The following SLCO3A1 variants were observed in gnomAD, a reference collection of about 807,000 sequenced individuals.
SLCO3A1 encodes solute carrier organic anion transporter family member 3A1.
A neutral mutation model predicts 63.1 loss-of-function variants in SLCO3A1; 27 were observed. The ratio of observed to expected loss-of-function variants is 0.43; its 90% CI spans 0.32 to 0.59. The LOEUF (loss-of-function observed/expected upper bound fraction) is 0.59. Among genes scored for constraint, SLCO3A1 ranks in the 20% least tolerant of loss-of-function variants. The pLI, the probability that SLCO3A1 is intolerant of heterozygous loss-of-function variation, is 0.09. For synonymous variants in SLCO3A1, 473 were observed against 409.9 expected (o/e 1.15, Z -1.86); for missense variants, 773 against 945.8 (o/e 0.82, Z 2.40).
intron 2 of SLCO3A1, among the ~76,000 whole-genome samples, chr15:91,992,861 A>G (rs1217475619): frequency 6.6e-6 from 1 of 152,152 alleles, no homozygotes; most frequent in Non-Finnish European, 1.5e-5. Flanking sequence ...ATTATTGGAA[A>G]GGTCATCCTA....
At chr15:92,000,046 T>C (rs1315847709) in intron 2 of SLCO3A1, among the ~76,000 whole-genome samples, 1 of 152,238 alleles carries the variant, frequency 6.6e-6, no homozygotes, top group East Asian at 1.9e-4. Flanking sequence ...ATGGATTAGA[T>C]ACATTTGAAT....
At chr15:92,042,078 G>A (rs1272936683) in intron 2 of SLCO3A1, among the ~76,000 whole-genome samples, 1 of 152,114 alleles carries the variant, frequency 6.6e-6, no homozygotes, top group Non-Finnish European at 1.5e-5. Flanking sequence ...TGTGACTCTG[G>A]GGTTCTTTAA....
intron 2 of SLCO3A1, among the ~76,000 whole-genome samples, chr15:91,981,328 C>T (rs1427577347): frequency 2.6e-5 from 4 of 152,212 alleles, no homozygotes; most frequent in African/African-American, 9.6e-5. Context: ...GGGACATCAT[C>T]GCTGGGCAAA....
chr15:91,906,062 C>G (rs937934725), intron 1 of SLCO3A1, among the ~76,000 whole-genome samples: 3 of 152,172 alleles, frequency 2.0e-5, no homozygotes, highest in African/African-American at 7.2e-5. Flanking sequence ...GTTATCTTCT[C>G]TGGGCTCAGG....
intron 2 of SLCO3A1, among the ~76,000 whole-genome samples, chr15:92,092,095 G>A (rs1004651833): frequency 3.3e-5 from 5 of 152,152 alleles, no homozygotes; most frequent in African/African-American, 1.2e-4. Flanking sequence ...TTCTGCAAGA[G>A]GGCAGGAGGC....
chr15:92,076,348 T>A (rs1011294841), intron 2 of SLCO3A1, among the ~76,000 whole-genome samples: 3 of 145,194 alleles, frequency 2.1e-5, no homozygotes, highest in Non-Finnish European at 4.6e-5. Flanking sequence ...CAACCCTGCC[T>A]CTAGATAGGA....
chr15:92,034,153 C>CTG (rs2046693639), intron 2 of SLCO3A1, among the ~76,000 whole-genome samples: 1 of 151,426 alleles, frequency 6.6e-6, no homozygotes, highest in Non-Finnish European at 1.5e-5. Context: ...AAAGTGGGGG[C>CTG]TGTATGCAGG....
intron 2 of SLCO3A1, among the ~76,000 whole-genome samples, chr15:91,963,404 A>AGGGCGGGGGGGGGGGGG (rs1176735786): frequency 3.2e-4 from 1 of 3,154 alleles, no homozygotes; most frequent in African/African-American, 1.3e-3. Context: ...TAACTCGGGG[A>AGGGCGGGGGGGGGGGGG]GGGTGGGGGG....
rs373836089 is a variant in SLCO3A1 at position 92,047,482 on chromosome 15, A to T, written c.647-47399A>T. The stretch of plus-strand genomic sequence containing the variant: ...TATATATAATATATAAATATATATA[A>T]ATATATATATAAATATATATAAATA... On this transcript the variant is annotated intron_variant, in intron 2 of 9. Coordinates refer to ENST00000318445, the MANE Select transcript of SLCO3A1 (RefSeq NM_013272.4). Among the ~76,000 whole-genome samples, 7 of 15,604 alleles carry T rather than the reference A, an allele frequency of 4.5e-4. 2 individuals are homozygous for T. The highest frequency in any genetic ancestry group is 8.7e-4 in the Non-Finnish European group (7 of 8,058). 10.2% of individuals were successfully genotyped at this position (15,604 alleles called of 152,430 possible).
intron 2 of SLCO3A1, among the ~76,000 whole-genome samples, chr15:92,039,695 C>G (rs1469908616): frequency 1.3e-5 from 2 of 152,140 alleles, no homozygotes; most frequent in Non-Finnish European, 2.9e-5. Flanking sequence ...TACCACATGA[C>G]CCAGCAATCC....
chr15:91,926,061 C>T (rs1327705690), intron 2 of SLCO3A1, among the ~76,000 whole-genome samples: 1 of 152,180 alleles, frequency 6.6e-6, no homozygotes, highest in East Asian at 1.9e-4. Context: ...CATTTGTTCT[C>T]TGCTCAAAGT....
At chr15:91,905,747 A>G (rs930480004) in intron 1 of SLCO3A1, among the ~76,000 whole-genome samples, 8 of 152,182 alleles carry the variant, frequency 5.3e-5, no homozygotes, top group Admixed American at 1.3e-4. Context: ...AAAGTCTTGT[A>G]AAGAAAACTA....
In SLCO3A1 at chr15:91,875,583, T is replaced by C. The variant is rs541732277; in HGVS notation, c.180+21495T>C. Among the ~76,000 whole-genome samples the C allele has an allele frequency of 6.6e-6, 1 of 152,346 alleles. No homozygotes were observed. Among genetic ancestry groups the C allele is most frequent in the East Asian group, 1.9e-4 (1 of 5,178 alleles). On this transcript the variant is annotated intron_variant, in intron 1 of 9. Coordinates refer to ENST00000318445, the MANE Select transcript of SLCO3A1 (RefSeq NM_013272.4). The surrounding 1 kb of genome is among the most constrained non-coding windows in gnomAD (Gnocchi z 4.5). ...GGAGTTACTGCCTGGGAAGCACTTG[T>C]GTGTGATAAGTCTTAGCCTCATTCT...
chr15:91,993,601 G>A (rs2151446388), intron 2 of SLCO3A1, among the ~76,000 whole-genome samples: 1 of 152,242 alleles, frequency 6.6e-6, no homozygotes, highest in Non-Finnish European at 1.5e-5. Flanking sequence ...TAGAATGCAG[G>A]CATAGTGAAG....
chr15:91,853,731 G>T lies in SLCO3A1; in HGVS notation c.-178G>T. The T allele has an allele frequency of 5.3e-6, 3 of 570,394 alleles. No individual in the cohort carries two copies. Among genetic ancestry groups the T allele is most frequent in the Non-Finnish European group, 4.5e-6 (2 of 440,006 alleles). 35.3% of individuals were successfully genotyped at this position (570,394 alleles called of 1,614,324 possible). ...GGGCGATCGCGGCGGCGGCGGCGGC[G>T]GCGAGGAGCTGTGCCTTCCACCTCT... On this transcript the variant is annotated 5_prime_UTR_variant, in exon 1 of 10. Coordinates refer to ENST00000318445, the MANE Select transcript of SLCO3A1 (RefSeq NM_013272.4).
At chr15:92,008,659 G>T (rs1207038458) in intron 2 of SLCO3A1, among the ~76,000 whole-genome samples, 1 of 152,168 alleles carries the variant, frequency 6.6e-6, no homozygotes, top group African/African-American at 2.4e-5. Flanking sequence ...CAACTTGGTA[G>T]AACATAAGGG....
At chr15:91,866,575 T>TAAA in intron 1 of SLCO3A1, among the ~76,000 whole-genome samples, 1 of 139,932 alleles carries the variant, frequency 7.1e-6, no homozygotes, top group African/African-American at 2.6e-5. Flanking sequence ...CTCCTTTTTT[T>TAAA]AAAAAAAAAA....
At chr15:92,069,497 G>A (rs1453880691) in intron 2 of SLCO3A1, among the ~76,000 whole-genome samples, 3 of 152,156 alleles carry the variant, frequency 2.0e-5, no homozygotes, top group Admixed American at 6.5e-5. Flanking sequence ...AGAGAAAGAA[G>A]GCAGTCTTTG....
At chr15:92,064,785 T>A (rs1264929972) in intron 2 of SLCO3A1, among the ~76,000 whole-genome samples, 1 of 152,216 alleles carries the variant, frequency 6.6e-6, no homozygotes, top group African/African-American at 2.4e-5. Context: ...AAATATTGCA[T>A]GTTCTCACTT....
Sources: gnomAD v4.1 joint callset for allele counts (sites outside exome capture counted in the v4.1 genomes callset) on GRCh38, gnomAD v4.1.1 for gene constraint, Gnocchi (gnomAD v3.1) non-coding constraint, MANE v1.5 for transcripts, NCBI Gene and HGNC (gene_info 2026-07-23, HGNC 2026-07-21) for gene names.